IAH1: variants seen among roughly 807,000 people sequenced by gnomAD.
IAH1 encodes isoamyl acetate-hydrolyzing esterase 1 homolog.
IAH1 carries 24 observed loss-of-function variants against 26.7 expected under a neutral mutation model. The ratio of observed to expected loss-of-function variants is 0.90; its 90% confidence interval spans 0.65 to 1.26. The LOEUF (loss-of-function observed/expected upper bound fraction) is 1.26. Ranked by LOEUF, IAH1 falls within the 50% of genes most tolerant of loss-of-function variation. The pLI is 0.00. For missense variants in IAH1, 300 were observed against 299.9 expected (o/e 1.00, Z 0.00); for synonymous variants, 140 against 118.5 (o/e 1.18, Z -1.18).
chr2:9,491,286 A>AGAT, downstream of IAH1: 1 of 710,254 alleles, frequency 1.4e-6, no homozygotes, highest in East Asian at 2.8e-5. Flanking sequence ...CAGGCTCAAC[A>AGAT]GATGACAATC....
At chr2:9,475,795 T>A in intron 1 of IAH1, 192 bp from the exon 2 acceptor site, 1 of 612,096 alleles carries the variant, frequency 1.6e-6, no homozygotes, top group Non-Finnish European at 2.9e-6. Flanking sequence ...TAGCTTTTGA[T>A]AGAGAAAAAT....
At chr2:9,491,995 A>G (rs1662195019), downstream of IAH1, among the ~76,000 whole-genome samples, 1 of 152,230 alleles carries the variant, frequency 6.6e-6, no homozygotes, top group Non-Finnish European at 1.5e-5. Context: ...AGCTTTCTTC[A>G]GCACAAGTGC....
chr2:9,491,293 A>G (rs1662123879), downstream of IAH1: 1 of 670,794 alleles, frequency 1.5e-6, no homozygotes, highest in African/African-American at 1.8e-5. Flanking sequence ...AACAGATGAC[A>G]ATCCATTTCT....
At chr2:9,501,437 G>A (rs144484658), downstream of IAH1, among the ~76,000 whole-genome samples, 2 of 152,270 alleles carry the variant, frequency 1.3e-5, no homozygotes, top group Non-Finnish European at 2.9e-5. Flanking sequence ...TCAGTACCCA[G>A]AGAAACACAC....
chr2:9,510,452 T>C, the IAH1 span, among the ~76,000 whole-genome samples: 5 of 150,846 alleles, frequency 3.3e-5, no homozygotes, highest in East Asian at 9.8e-4. Context: ...GATCACGAGG[T>C]CAGGAGTTCG....
intron 4 of IAH1, among the ~76,000 whole-genome samples, chr2:9,483,546 C>A (rs969556632): frequency 3.3e-5 from 5 of 152,148 alleles, no homozygotes; most frequent in Non-Finnish European, 7.3e-5. Flanking sequence ...CAGCATAGGT[C>A]CTCCTGTGGC....
chr2:9,487,459 A>G lies in IAH1; in HGVS notation c.565-688A>G, dbSNP rs1490527873. ...TTTTTGCTGATTACGTTAATAGGCC[A>G]TATTTACCTGTTAAGGTTCTTTCAA... On this transcript the variant is annotated intron_variant, in intron 5 of 5. Transcript: ENST00000497473. 3.3e-5 allele frequency: 5 copies of G among 152,274 alleles called. No individual in the cohort carries two copies. In the East Asian group the frequency reaches 5.8e-4, roughly 18 times the overall value. 9.4% of individuals were successfully genotyped at this position (152,274 alleles called of 1,614,324 possible).
intron 2 of IAH1, among the ~76,000 whole-genome samples, chr2:9,477,317 A>C (rs1338471271): frequency 6.6e-6 from 1 of 152,156 alleles, no homozygotes; most frequent in Non-Finnish European, 1.5e-5. Context: ...TGAATACAGC[A>C]AAATGAACCA....
chr2:9,483,577 C>A (rs959730107), intron 4 of IAH1, among the ~76,000 whole-genome samples: 2 of 152,152 alleles, frequency 1.3e-5, no homozygotes, highest in Non-Finnish European at 2.9e-5. Flanking sequence ...TTGCCCATAT[C>A]CTCATGCTTT....
intron 1 of IAH1, among the ~76,000 whole-genome samples, chr2:9,475,416 C>T (rs962306514): frequency 2.1e-4 from 32 of 152,094 alleles, no homozygotes; most frequent in African/African-American, 7.5e-4. Flanking sequence ...ACCAGCAAAG[C>T]AGTGAGGCGG....
chr2:9,498,144 C>T (rs182253897), downstream of IAH1, among the ~76,000 whole-genome samples: 236 of 152,312 alleles, frequency 1.5e-3, no homozygotes, highest in Non-Finnish European at 1.2e-3. Context: ...ATCCTCCTGC[C>T]TCAGCCTCAC....
chr2:9,493,833 G>GA, downstream of IAH1: 6 of 1,610,424 alleles, frequency 3.7e-6, no homozygotes, highest in East Asian at 2.2e-5. Flanking sequence ...GCCCTATGAA[G>GA]AAAAAACATA....
Position 9,476,032 on chromosome 2 carries a change from C to G in IAH1, c.127C>G (p.Leu43Val), listed in dbSNP as rs61732203. ...GGWGASLADR[L>V]VRKCDVLNRG... ...ATGGGGAGCATCGCTGGCTGACAGG[C>G]TGGTCAGGTGAGAATGGTTTCCGAT... Residue 43 changes from leucine (L) to valine (V), a missense_variant, in exon 2 of 6, where the codon CTG (leucine) becomes GTG (valine). Coordinates refer to ENST00000497473, the MANE Select transcript of IAH1 (RefSeq NM_001039613.3). 40,703 of 1,613,120 alleles carry G rather than the reference C, an allele frequency of 0.025. 637 individuals are homozygous for G. The highest frequency in any genetic ancestry group is 0.03 in the Non-Finnish European group (35,211 of 1,179,378).
rs562205815 is a variant in IAH1, at chr2:9,475,051, G to C, written c.81+404G>C. ...CCCAGGAGGCCCCGCGGCCAGCTCC[G>C]GGCAGAGGCGCCAGGAGCTCTCTCG... On this transcript the variant is annotated intron_variant, in intron 1 of 5. Transcript: ENST00000497473. The C allele has an allele frequency of 6.0e-6, 7 of 1,170,570 alleles. No homozygotes were observed. In the Admixed American group the frequency reaches 1.6e-4, roughly 27 times the overall value. The allele number at this position is 1,170,570 out of a possible 1,614,324, so 72.5% of individuals were successfully genotyped here. A position where few individuals can be genotyped will look rare whatever the true frequency, so the allele number is the denominator to read the frequency against.
chr2:9,488,068 C>A, intron 5 of IAH1, 79 bp from the exon 6 acceptor site: 1 of 970,468 alleles, frequency 1.0e-6, no homozygotes, highest in Non-Finnish European at 1.5e-6. Flanking sequence ...AATCCTCGGC[C>A]CCAAAGTGTT....
chr2:9,492,696 A>G (rs1367364561), downstream of IAH1, among the ~76,000 whole-genome samples: 2 of 152,202 alleles, frequency 1.3e-5, no homozygotes, highest in Non-Finnish European at 2.9e-5. Context: ...ACACCAACAC[A>G]CAAAAATAGT....
At chr2:9,505,469 C>T in the IAH1 span, 1 of 1,184,258 alleles carries the variant, frequency 8.4e-7, no homozygotes, top group Non-Finnish European at 1.2e-6. Context: ...TGTAAAACCA[C>T]CATCAGAGCC....
At chr2:9,478,076 G>C in intron 2 of IAH1, 146 bp from the exon 3 acceptor site, 1 of 623,468 alleles carries the variant, frequency 1.6e-6, no homozygotes. Context: ...CTATGTTCTT[G>C]CTCCTATCAA....
At chr2:9,482,962 C>G (rs1661270317) in intron 4 of IAH1, among the ~76,000 whole-genome samples, 1 of 152,198 alleles carries the variant, frequency 6.6e-6, no homozygotes, top group African/African-American at 2.4e-5. Flanking sequence ...ACTTCAGAGC[C>G]CCAGCTTGCT....
Sources: allele counts gnomAD v4.1 joint callset (sites outside exome capture counted in the v4.1 genomes callset), GRCh38; gene constraint gnomAD v4.1.1; transcripts MANE v1.5; gene names NCBI Gene and HGNC (gene_info 2026-07-23, HGNC 2026-07-21).